Variants in XNDC1N observed in about 807,000 individuals in gnomAD.
XNDC1N encodes the protein protein XNDC1N.
the XNDC1N span, chr11:71,917,406 T>G: frequency 1.6e-6 from 1 of 617,400 alleles, no homozygotes; most frequent in Admixed American, 2.7e-5. Flanking sequence ...TTCATAAATC[T>G]CCATCTCCCC....
the XNDC1N span, among the ~76,000 whole-genome samples, chr11:71,901,110 C>G: frequency 1.2e-4 from 19 of 152,160 alleles, no homozygotes; most frequent in Non-Finnish European, 2.6e-4. Context: ...ATCGAGGATT[C>G]CAGAAAGAAT....
the XNDC1N span, among the ~76,000 whole-genome samples, chr11:71,905,373 C>T: frequency 4.0e-5 from 6 of 151,752 alleles, no homozygotes; most frequent in Non-Finnish European, 8.8e-5. Flanking sequence ...TAGGATATTA[C>T]GAATAACATC....
chr11:71,905,461 CCT>C, the XNDC1N span, among the ~76,000 whole-genome samples: 1 of 150,528 alleles, frequency 6.6e-6, no homozygotes, highest in Non-Finnish European at 1.5e-5. Flanking sequence ...GTGTACAACC[CCT>C]GTGACATTAC....
the XNDC1N span, among the ~76,000 whole-genome samples, chr11:71,869,076 A>C: frequency 6.6e-6 from 1 of 151,848 alleles, no homozygotes; most frequent in African/African-American, 2.4e-5. Context: ...TTATACTTTA[A>C]GTTCTAGGGT....
At chr11:71,891,550 G>C in the XNDC1N span, among the ~76,000 whole-genome samples, 1 of 152,008 alleles carries the variant, frequency 6.6e-6, no homozygotes, top group Admixed American at 6.6e-5. Flanking sequence ...ATCCTCTCCC[G>C]ACCTGGATAC....
At chr11:71,903,709 A>G in the XNDC1N span, 1 of 399,060 alleles carries the variant, frequency 2.5e-6, no homozygotes, top group African/African-American at 2.1e-5. Flanking sequence ...ATTGCCTTAC[A>G]AATGACCTGC....
At chr11:71,887,967 CT>C in the XNDC1N span, among the ~76,000 whole-genome samples, 1 of 152,188 alleles carries the variant, frequency 6.6e-6, no homozygotes, top group East Asian at 1.9e-4. Flanking sequence ...ACTCAGTACA[CT>C]TGGACCGGGC....
At chr11:71,897,738 G>A in the XNDC1N span, among the ~76,000 whole-genome samples, 9 of 152,354 alleles carry the variant, frequency 5.9e-5, no homozygotes, top group Middle Eastern at 3.4e-3. Flanking sequence ...TAGAAGCCAG[G>A]AGTGGAAGAC....
the XNDC1N span, among the ~76,000 whole-genome samples, chr11:71,914,159 C>T: frequency 1.3e-5 from 2 of 152,006 alleles, no homozygotes; most frequent in African/African-American, 4.8e-5. Context: ...GAAATAAATT[C>T]TGTAAGGCTA....
At chr11:71,896,251 C>A in the XNDC1N span, among the ~76,000 whole-genome samples, 1 of 152,106 alleles carries the variant, frequency 6.6e-6, no homozygotes, top group East Asian at 1.9e-4. Context: ...TGTACACCAA[C>A]CTGGGCAACA....
At chr11:71,865,866 A>C in the XNDC1N span, 1 of 438,910 alleles carries the variant, frequency 2.3e-6, no homozygotes, top group South Asian at 1.6e-5. Flanking sequence ...TGTGAGCAAA[A>C]AATAAGTAAA....
chr11:71,892,064 T>C, the XNDC1N span, among the ~76,000 whole-genome samples: 1 of 152,114 alleles, frequency 6.6e-6, no homozygotes, highest in Admixed American at 6.5e-5. Context: ...GTACAACTTC[T>C]GTGATATTGG....
chr11:71,886,319 G>A, the XNDC1N span, among the ~76,000 whole-genome samples: 1 of 150,602 alleles, frequency 6.6e-6, no homozygotes, highest in Admixed American at 6.6e-5. Flanking sequence ...AGCGAAGAAA[G>A]GCGGAGAGTC....
chr11:71,905,261 T>A, the XNDC1N span, among the ~76,000 whole-genome samples: 1 of 152,140 alleles, frequency 6.6e-6, no homozygotes, highest in African/African-American at 2.4e-5. Flanking sequence ...ACATCCCTTT[T>A]GGATATTCCG....
chr11:71,896,699 G>A, the XNDC1N span, among the ~76,000 whole-genome samples: 1 of 152,238 alleles, frequency 6.6e-6, no homozygotes, highest in African/African-American at 2.4e-5. Context: ...GAGTAGCTGG[G>A]ATTACAGGCA....
At chr11:71,904,770 C>T in the XNDC1N span, among the ~76,000 whole-genome samples, 1,191 of 152,068 alleles carry the variant, frequency 7.8e-3, 12 homozygotes, top group Non-Finnish European at 0.01. Flanking sequence ...TAGGATATTA[C>T]GAATAATATC....
the XNDC1N span, among the ~76,000 whole-genome samples, chr11:71,909,329 CCA>C: frequency 6.6e-6 from 1 of 151,012 alleles, no homozygotes; most frequent in African/African-American, 2.5e-5. Flanking sequence ...AGAGGGGCCC[CCA>C]CAAAGAGGCA....
chr11:71,896,780 T>C, the XNDC1N span, among the ~76,000 whole-genome samples: 2 of 152,222 alleles, frequency 1.3e-5, no homozygotes, highest in Non-Finnish European at 2.9e-5. Flanking sequence ...GTCAGGCTGG[T>C]CTTCAACTCC....
At chr11:71,878,645 G>A in the XNDC1N span, 1 of 875,778 alleles carries the variant, frequency 1.1e-6, no homozygotes, top group Non-Finnish European at 1.7e-6. Context: ...GAAGATTGAA[G>A]AGTTGATACT....
Sources: allele counts gnomAD v4.1 joint callset (sites outside exome capture counted in the v4.1 genomes callset), GRCh38; gene constraint gnomAD v4.1.1; transcripts MANE v1.5; gene names NCBI Gene and HGNC (gene_info 2026-07-23, HGNC 2026-07-21).